AKAP6: variants seen among roughly 807,000 people sequenced by gnomAD.
AKAP6 encodes the protein A-kinase anchor protein 6.
AKAP6 carries 58 observed loss-of-function variants against 188.5 expected under a neutral mutation model. The observed-to-expected ratio is 0.31, with a 90% CI of 0.25 to 0.38. The LOEUF (loss-of-function observed/expected upper bound fraction) is 0.38. Ranked by LOEUF, AKAP6 falls within the 10% of genes least tolerant of loss-of-function variation. The probability of loss-of-function intolerance (pLI) is 1.00; values close to 1 mark genes in which losing one functional copy is unlikely to be tolerated. For synonymous variants in AKAP6, 989 were observed against 998.6 expected (o/e 0.99, Z 0.18); for missense variants, 2,710 against 2,740.0 (o/e 0.99, Z 0.24).
At chr14:32,711,894 AG>A (rs1238668873) in intron 9 of AKAP6, among the ~76,000 whole-genome samples, 3 of 152,058 alleles carry the variant, frequency 2.0e-5, no homozygotes, top group African/African-American at 7.2e-5. Context: ...CTGTAAAGTG[AG>A]GGGGGTGGAC....
At chr14:32,377,537 G>A (rs1309440717) in intron 1 of AKAP6, among the ~76,000 whole-genome samples, 1 of 152,062 alleles carries the variant, frequency 6.6e-6, no homozygotes, top group Non-Finnish European at 1.5e-5. Context: ...GAGAAGCCAG[G>A]GTGCCATGCT....
At chr14:32,787,412 G>A (rs17099539) in intron 12 of AKAP6, among the ~76,000 whole-genome samples, 16,628 of 152,038 alleles carry the variant, frequency 0.11, 1,135 homozygotes, top group Middle Eastern at 0.24. Context: ...TTGTAACTTG[G>A]GGATTCATTC....
chr14:32,797,142 G>A lies in AKAP6; in HGVS notation c.3588+23249G>A, dbSNP rs143427638. ...TAAAAAAACAACAGATGCTGGCAAG[G>A]TTGCAGAGAAAAAGGAACACTTTTA... On this transcript the variant is annotated intron_variant, in intron 12 of 13. Coordinates refer to ENST00000280979, the MANE Select transcript of AKAP6 (RefSeq NM_004274.5). Among the ~76,000 whole-genome samples, 906 of 152,272 alleles carry A rather than the reference G, an allele frequency of 5.9e-3. 5 individuals carry two copies. Among genetic ancestry groups the A allele is most frequent in the African/African-American group, 0.02 (850 of 41,552 alleles).
At chr14:32,462,921 A>AAAC (rs1566517630) in intron 2 of AKAP6, among the ~76,000 whole-genome samples, 9 of 146,016 alleles carry the variant, frequency 6.2e-5, no homozygotes, top group Admixed American at 2.7e-4. Flanking sequence ...AAAAAAAAAA[A>AAAC]AAAAACCCGG....
chr14:32,594,642 G>C (rs993167526), intron 5 of AKAP6, among the ~76,000 whole-genome samples: 2 of 152,222 alleles, frequency 1.3e-5, no homozygotes, highest in Admixed American at 6.5e-5. Context: ...AGAATGGAGA[G>C]TGGTTCTGGG....
intron 2 of AKAP6, among the ~76,000 whole-genome samples, chr14:32,495,845 G>T (rs1286778290): frequency 6.6e-6 from 1 of 152,034 alleles, no homozygotes; most frequent in African/African-American, 2.4e-5. Context: ...GGTTTTATTT[G>T]AAGAGTAAGA....
chr14:32,751,663 T>G (rs10143989), intron 11 of AKAP6, among the ~76,000 whole-genome samples: 58 of 136,534 alleles, frequency 4.2e-4, no homozygotes, highest in African/African-American at 1.4e-3. Flanking sequence ...ATCTCCCAGA[T>G]CTTGCCTTCA....
chr14:32,536,453 C>G lies in AKAP6; in HGVS notation c.576+648C>G, dbSNP rs992980592. ...GCACTGGAGCAAAAAGCCCAAGGAA[C>G]CAGGAGGCGGGATTTGGGCTAATAG... On this transcript the variant is annotated intron_variant, in intron 3 of 13. Coordinates refer to ENST00000280979, the MANE Select transcript of AKAP6 (RefSeq NM_004274.5). 2.0e-5 allele frequency among the ~76,000 whole-genome samples: 3 copies of G among 152,210 alleles called. No individual in the cohort carries two copies. In the South Asian group the frequency reaches 6.2e-4, roughly 32 times the overall value.
chr14:32,774,143 C>A (rs1301707346), intron 12 of AKAP6: 14 of 508,624 alleles, frequency 2.8e-5, no homozygotes, highest in Non-Finnish European at 5.0e-5. Flanking sequence ...CTTTAGTGTA[C>A]CTCATTGTCT....
intron 4 of AKAP6, among the ~76,000 whole-genome samples, chr14:32,555,904 G>A (rs191093973): frequency 8.2e-4 from 124 of 151,958 alleles, no homozygotes; most frequent in Non-Finnish European, 1.6e-3. Context: ...CTGTGAACAT[G>A]GGTGTACAAT....
At chr14:32,765,966 A>G (rs1437614906) in intron 11 of AKAP6, among the ~76,000 whole-genome samples, 2 of 152,170 alleles carry the variant, frequency 1.3e-5, no homozygotes, top group South Asian at 2.1e-4. Flanking sequence ...ATCTTATTTC[A>G]GAATGTTTTC....
intron 3 of AKAP6, among the ~76,000 whole-genome samples, chr14:32,544,393 C>T (rs1159392852): frequency 6.6e-6 from 1 of 152,050 alleles, no homozygotes; most frequent in Non-Finnish European, 1.5e-5. Flanking sequence ...AGTAATGGGA[C>T]AAAAGCCTTA....
Position 32,735,740 on chromosome 14 carries a change from G to C in AKAP6, c.3230G>C (p.Gly1077Ala). The C allele has an allele frequency of 6.2e-7, 1 of 1,613,518 alleles. No individual in the cohort carries two copies. The highest frequency in any genetic ancestry group is 8.5e-7 in the Non-Finnish European group (1 of 1,179,764). Residue 1077 changes from glycine (G) to alanine (A), a missense_variant, in exon 11 of 14, where the codon GGA (glycine) becomes GCA (alanine). By Grantham distance (60) the Gly-to-Ala change is moderately conservative. Around this residue, in one of 2 missense-constraint regions of AKAP6, gnomAD observed 2,473 missense variants for 2,426.1 expected, o/e 1.02. Transcript: ENST00000280979. ...SPRDLLSPES[G>A]SLVRQLEVRI... The stretch of plus-strand genomic sequence containing the variant: ...CGTGACCTGCTCTCTCCTGAAAGTG[G>C]AAGCCTGGTAAGGCAGCTGGAGGTC...
chr14:32,461,446 G>A (rs1397292548), intron 2 of AKAP6, among the ~76,000 whole-genome samples: 1 of 152,140 alleles, frequency 6.6e-6, no homozygotes, highest in Non-Finnish European at 1.5e-5. Context: ...GTCTGGAGTG[G>A]ACCTCTAGCA....
chr14:32,396,931 TAACA>T (rs1366923350), intron 1 of AKAP6, among the ~76,000 whole-genome samples: 4 of 152,174 alleles, frequency 2.6e-5, no homozygotes, highest in Admixed American at 6.6e-5. Flanking sequence ...TCTAACTTAT[TAACA>T]AACAAACAGA....
chr14:32,730,657 C>T (rs554469451), intron 9 of AKAP6, among the ~76,000 whole-genome samples: 2 of 152,218 alleles, frequency 1.3e-5, no homozygotes, highest in Non-Finnish European at 2.9e-5. Context: ...TGAGTAATAC[C>T]ATGTGGCATA....
At chr14:32,672,372 A>G (rs1269440944) in intron 7 of AKAP6, among the ~76,000 whole-genome samples, 1 of 152,220 alleles carries the variant, frequency 6.6e-6, no homozygotes, top group Non-Finnish European at 1.5e-5. Flanking sequence ...GTGGCTAAAC[A>G]GCAGAAATTA....
Position 32,761,180 on chromosome 14 carries a change from T to A in AKAP6, c.3373-12498T>A, listed in dbSNP as rs149526365. On this transcript the variant is annotated intron_variant, in intron 11 of 13. Transcript: ENST00000280979. ...TCCGAGTCACAGAGGAGTAAATGAA[T>A]AAACAGTATGTCTTTTCTAATGTTG... Among the ~76,000 whole-genome samples, 878 of 152,334 alleles carry A rather than the reference T, an allele frequency of 5.8e-3. 18 individuals are homozygous for A. The highest frequency in any genetic ancestry group is 0.04 in the Admixed American group (618 of 15,294).
intron 2 of AKAP6, among the ~76,000 whole-genome samples, chr14:32,527,759 A>G (rs1293651317): frequency 6.6e-6 from 1 of 151,980 alleles, no homozygotes; most frequent in Non-Finnish European, 1.5e-5. Context: ...TTCTTTGGTG[A>G]GGCATCTGTT....
Sources: gnomAD v4.1 joint callset for allele counts (sites outside exome capture counted in the v4.1 genomes callset) on GRCh38, gnomAD v4.1.1 for gene constraint, gnomAD v4.1.1 regional missense constraint, MANE v1.5 for transcripts, NCBI Gene and HGNC (gene_info 2026-07-23, HGNC 2026-07-21) for gene names.